The following ANO5 variants were observed in gnomAD, a reference collection of about 807,000 sequenced individuals.
ANO5 encodes the protein anoctamin 5, also known as anoctamin-5.
Under a neutral mutation model 121.0 loss-of-function variants are expected in ANO5, and 109 were observed. The observed-to-expected ratio is 0.90, with a 90% confidence interval of 0.77 to 1.06. The LOEUF is 1.06. Ranked by LOEUF, ANO5 falls within the 50% of genes least tolerant of loss-of-function variation. ANO5 has a pLI of 0.00. For missense variants in ANO5, 1,064 were observed against 1,078.5 expected (o/e 0.99, Z 0.19); for synonymous variants, 406 against 359.9 (o/e 1.13, Z -1.45).
intron 3 of ANO5, 38 bp downstream of exon 3, chr11:22,211,352 A>G: frequency 1.9e-6 from 3 of 1,589,278 alleles, no homozygotes; most frequent in Non-Finnish European, 2.6e-6. Context: ...TTGCATGGAC[A>G]CAAATGGGGC....
chr11:22,222,866 T>C (rs1224798360), intron 5 of ANO5, among the ~76,000 whole-genome samples: 1 of 151,952 alleles, frequency 6.6e-6, no homozygotes, highest in African/African-American at 2.4e-5. Context: ...TATTCTGTTT[T>C]CTCCCACTTT....
At chr11:22,239,441 AAT>A (rs1171909209) in intron 8 of ANO5, 126 bp from the exon 9 acceptor site, 4 of 692,946 alleles carry the variant, frequency 5.8e-6, no homozygotes, top group Non-Finnish European at 1.0e-5. Context: ...ACATCAATTG[AAT>A]ATGAAATCTA....
intron 17 of ANO5, among the ~76,000 whole-genome samples, chr11:22,264,468 A>T (rs2133755740): frequency 6.9e-6 from 1 of 145,704 alleles, no homozygotes; most frequent in East Asian, 2.1e-4. Flanking sequence ...AAAGAATAAA[A>T]AAATTTTAAA....
chr11:22,273,812 T>C (rs1468136706), intron 19 of ANO5, among the ~76,000 whole-genome samples: 1 of 152,138 alleles, frequency 6.6e-6, no homozygotes, highest in Non-Finnish European at 1.5e-5. Context: ...TGTGTCCTCA[T>C]TTACTCCAAT....
chr11:22,266,982 A>G (rs930811271), intron 17 of ANO5, among the ~76,000 whole-genome samples: 5 of 152,210 alleles, frequency 3.3e-5, no homozygotes, highest in South Asian at 4.1e-4. Flanking sequence ...ACAAAATTAC[A>G]TAACTTTAAT....
intron 9 of ANO5, among the ~76,000 whole-genome samples, chr11:22,249,557 C>T (rs1853729764): frequency 6.6e-6 from 1 of 152,018 alleles, no homozygotes; most frequent in Non-Finnish European, 1.5e-5. Flanking sequence ...TAAATGGGTA[C>T]TAAGTTAAAA....
intron 7 of ANO5, among the ~76,000 whole-genome samples, chr11:22,229,383 A>T (rs1852958379): frequency 6.6e-6 from 1 of 151,914 alleles, no homozygotes; most frequent in Non-Finnish European, 1.5e-5. Flanking sequence ...AATTCAGGAT[A>T]TGAATCCACA....
intron 9 of ANO5, among the ~76,000 whole-genome samples, chr11:22,239,995 T>A (rs1249079443): frequency 2.0e-5 from 3 of 152,140 alleles, no homozygotes; most frequent in African/African-American, 7.2e-5. Flanking sequence ...AAAATAGATA[T>A]AACAATATTA....
intron 8 of ANO5, among the ~76,000 whole-genome samples, chr11:22,238,807 A>C (rs1023330787): frequency 6.6e-6 from 1 of 152,110 alleles, no homozygotes; most frequent in African/African-American, 2.4e-5. Flanking sequence ...TTAGTTACAT[A>C]TGTATACATG....
chr11:22,216,081 A>G (rs554592561), intron 3 of ANO5, among the ~76,000 whole-genome samples: 2 of 151,962 alleles, frequency 1.3e-5, no homozygotes, highest in Non-Finnish European at 2.9e-5. Flanking sequence ...TTGTCCACTC[A>G]TCCATTGATG....
chr11:22,197,160 A>G (rs1040839651), intron 1 of ANO5, among the ~76,000 whole-genome samples: 1 of 152,186 alleles, frequency 6.6e-6, no homozygotes, highest in Non-Finnish European at 1.5e-5. Flanking sequence ...GACTTAATAG[A>G]TCTAAGATTT....
At chr11:22,246,182 C>T (rs565396320) in intron 9 of ANO5, among the ~76,000 whole-genome samples, 1 of 152,252 alleles carries the variant, frequency 6.6e-6, no homozygotes, top group South Asian at 2.1e-4. Context: ...TCTCAGGCTG[C>T]CACTTCCAGT....
At chr11:22,226,857 C>T (rs1381097417) in intron 6 of ANO5, among the ~76,000 whole-genome samples, 12 of 152,076 alleles carry the variant, frequency 7.9e-5, no homozygotes, top group Admixed American at 7.9e-4. Context: ...GTAGGCTAAA[C>T]AAAGAAGCTG....
chr11:22,215,803 T>G (rs1202975425), intron 3 of ANO5, among the ~76,000 whole-genome samples: 2 of 151,878 alleles, frequency 1.3e-5, no homozygotes, highest in Admixed American at 1.3e-4. Context: ...CCTCAAAAAT[T>G]TCCCTTTAGC....
intron 18 of ANO5, among the ~76,000 whole-genome samples, chr11:22,271,256 A>T (rs951804910): frequency 1.3e-5 from 2 of 152,084 alleles, no homozygotes; most frequent in Non-Finnish European, 1.5e-5. Context: ...GGGTTTCACC[A>T]TGTTGATGGC....
At chr11:22,226,415 T>A (rs1321410201) in intron 6 of ANO5, among the ~76,000 whole-genome samples, 1 of 152,138 alleles carries the variant, frequency 6.6e-6, no homozygotes, top group African/African-American at 2.4e-5. Context: ...AAGACATTCT[T>A]TCTGTTCATG....
chr11:22,213,739 A>G (rs1355091074), intron 3 of ANO5, among the ~76,000 whole-genome samples: 1 of 151,776 alleles, frequency 6.6e-6, no homozygotes. Flanking sequence ...ATTATTTGGA[A>G]TTGTTTTGTG....
In ANO5 at chr11:22,279,561, T is replaced by G. The variant is rs1487012757; in HGVS notation, c.2538T>G (p.Val846=). Residue 846 remains valine (V), a synonymous_variant, in exon 22 of 22, where the codon GTT becomes GTG. Coordinates refer to ENST00000324559, the MANE Select transcript of ANO5 (RefSeq NM_213599.3). ...TCCTCTAGCATGTTGTGTTTTTAGT[T>G]AAATTTTTGCTGGCCTGGATGATAC... ...IIVMEHVVFL[V]KFLLAWMIPD... 1.2e-6 allele frequency: 2 copies of G among 1,612,344 alleles called. No homozygotes were observed. The highest frequency in any genetic ancestry group is 3.3e-5 in the Admixed American group (2 of 59,870).
chr11:22,276,219 C>T lies in ANO5; in HGVS notation c.2520+20C>T. 3.8e-6 allele frequency: 6 copies of T among 1,560,702 alleles called. No individual in the cohort carries two copies. The highest frequency in any genetic ancestry group is 5.3e-6 in the Non-Finnish European group (6 of 1,132,108). Reference sequence around the variant, plus strand: ...ATGGAAGTAAGCTGTTCTTAACTTTCATTCGAGTTACTCTCTTCTCTCTTT... The same window carrying T: ...ATGGAAGTAAGCTGTTCTTAACTTTTATTCGAGTTACTCTCTTCTCTCTTT... On this transcript the variant is annotated intron_variant, in intron 21 of 21. Coordinates refer to ENST00000324559, the MANE Select transcript of ANO5 (RefSeq NM_213599.3).
Sources: gnomAD v4.1 joint callset for allele counts (sites outside exome capture counted in the v4.1 genomes callset) on GRCh38, gnomAD v4.1.1 for gene constraint, MANE v1.5 for transcripts, NCBI Gene and HGNC (gene_info 2026-07-23, HGNC 2026-07-21) for gene names.